Variants in FGF18 observed in about 807,000 individuals in gnomAD.
FGF18 encodes fibroblast growth factor 18.
A neutral mutation model predicts 23.0 loss-of-function variants in FGF18; 5 were observed. The ratio of observed to expected loss-of-function variants is 0.22; its 90% CI spans 0.11 to 0.46. The LOEUF (loss-of-function observed/expected upper bound fraction) is 0.46. FGF18 is among the 20% of genes least tolerant of loss of function. The probability of loss-of-function intolerance (pLI) is 0.99; values close to 1 mark genes in which losing one functional copy is unlikely to be tolerated. For synonymous variants in FGF18, 117 were observed against 118.9 expected (o/e 0.98, Z 0.10); for missense variants, 180 against 291.6 (o/e 0.62, Z 2.79).
chr5:171,439,634 C>T (rs922396121), intron 3 of FGF18, among the ~76,000 whole-genome samples: 10 of 152,110 alleles, frequency 6.6e-5, no homozygotes, highest in African/African-American at 2.4e-4. Context: ...CATGTCTGGG[C>T]TTAGCTTCTT....
At chr5:171,437,089 C>T (rs1772258172) in intron 3 of FGF18, among the ~76,000 whole-genome samples, 2 of 152,218 alleles carry the variant, frequency 1.3e-5, no homozygotes, top group African/African-American at 4.8e-5. Flanking sequence ...CACCTGCCCC[C>T]ACCCATTCCT....
chr5:171,423,459 G>A (rs1468596301), intron 2 of FGF18, among the ~76,000 whole-genome samples: 2 of 152,192 alleles, frequency 1.3e-5, no homozygotes, highest in Admixed American at 1.3e-4. Context: ...GCTCGGCTAG[G>A]TCCTGGCCTT....
Position 171,451,585 on chromosome 5 carries a change from C to T in FGF18, c.357+2332C>T, listed in dbSNP as rs1437596643. On this transcript the variant is annotated intron_variant, in intron 4 of 4. Transcript: ENST00000274625. The surrounding 1 kb of genome is among the most constrained non-coding windows in gnomAD (Gnocchi z 4.5). ...CTCCAGGCCTTTCCCCGCTGCCCAC[C>T]TTCGGCTTTCTACAGCACATACGGC... Among the ~76,000 whole-genome samples the T allele has an allele frequency of 2.0e-5, 3 of 152,246 alleles. No homozygotes were observed. Among genetic ancestry groups the T allele is most frequent in the African/African-American group, 7.2e-5 (3 of 41,468 alleles).
chr5:171,428,927 C>A (rs1017952681), intron 2 of FGF18, among the ~76,000 whole-genome samples: 2 of 152,204 alleles, frequency 1.3e-5, no homozygotes, highest in Admixed American at 6.5e-5. Context: ...GGAGGCCGAC[C>A]CTCGGGCCCA....
chr5:171,443,501 A>ATTTTTTTTTTTTTTTTTTTT (rs59576538), intron 3 of FGF18, among the ~76,000 whole-genome samples: 1 of 63,742 alleles, frequency 1.6e-5, no homozygotes, highest in Non-Finnish European at 2.7e-5. Context: ...TGTTATCATC[A>ATTTTTTTTTTTTTTTTTTTT]TTTTTTTTTT....
At chr5:171,454,968 G>C (rs1392115214) in intron 4 of FGF18, among the ~76,000 whole-genome samples, 1 of 152,210 alleles carries the variant, frequency 6.6e-6, no homozygotes, top group South Asian at 2.1e-4. Flanking sequence ...CAGCCCTGTC[G>C]GGAACAGCTG....
chr5:171,454,592 T>C (rs1249912413), intron 4 of FGF18, among the ~76,000 whole-genome samples: 2 of 152,252 alleles, frequency 1.3e-5, no homozygotes, highest in East Asian at 3.8e-4. Flanking sequence ...TTACCCTGCC[T>C]GTCCCTTTCT....
At chr5:171,437,976 G>T (rs1216819647) in intron 3 of FGF18, among the ~76,000 whole-genome samples, 2 of 152,196 alleles carry the variant, frequency 1.3e-5, no homozygotes, top group African/African-American at 4.8e-5. Flanking sequence ...CCCTCTGCCT[G>T]AACTGGGAAC....
intron 3 of FGF18, among the ~76,000 whole-genome samples, chr5:171,437,949 T>G (rs903666064): frequency 6.6e-6 from 1 of 152,104 alleles, no homozygotes; most frequent in South Asian, 2.1e-4. Flanking sequence ...ACCCCAGAAG[T>G]CACTTGCCCT....
At chr5:171,429,182 C>T (rs1465166548) in intron 2 of FGF18, among the ~76,000 whole-genome samples, 1 of 152,212 alleles carries the variant, frequency 6.6e-6, no homozygotes, top group Non-Finnish European at 1.5e-5. Flanking sequence ...CGGCCTTCCT[C>T]CTCCCCTTTC....
chr5:171,437,486 G>A (rs56252138), intron 3 of FGF18, among the ~76,000 whole-genome samples: 2,805 of 152,098 alleles, frequency 0.018, 76 homozygotes, highest in African/African-American at 0.064. Context: ...TACCGCCTCC[G>A]TTCCCCTCCC....
intron 2 of FGF18, among the ~76,000 whole-genome samples, chr5:171,420,703 C>A (rs998174939): frequency 2.6e-5 from 4 of 152,170 alleles, no homozygotes; most frequent in Non-Finnish European, 4.4e-5. Context: ...GGGAGGAGAT[C>A]CCGCAGAGCC....
At chr5:171,449,326 C>G in intron 4 of FGF18, 73 bp downstream of exon 4, 2 of 965,248 alleles carry the variant, frequency 2.1e-6, no homozygotes, top group Non-Finnish European at 3.3e-6. Context: ...AACAATGTGT[C>G]CAGGGCACTG....
chr5:171,433,283 A>G (rs866409472), intron 2 of FGF18, among the ~76,000 whole-genome samples: 11 of 152,102 alleles, frequency 7.2e-5, no homozygotes, highest in Admixed American at 1.3e-4. Flanking sequence ...CAGGGAGAAA[A>G]TCATTAATGG....
chr5:171,436,302 G>C lies in FGF18; in HGVS notation c.250+29G>C. On this transcript the variant is annotated intron_variant, in intron 3 of 4. Transcript: ENST00000274625. The surrounding 1 kb of genome is among the most constrained non-coding windows in gnomAD (Gnocchi z 4.4). ...TGTGCCAACCCTCTCCTCCTACTCC[G>C]TGTACCCGTGTACATGTCCTTCCTG... 1 of 1,452,320 alleles carries C rather than the reference G, an allele frequency of 6.9e-7. No homozygotes were observed. The allele number at this position is 1,452,320 out of a possible 1,614,324, so 90.0% of individuals were successfully genotyped here.
chr5:171,443,350 C>T (rs746269826), intron 3 of FGF18, among the ~76,000 whole-genome samples: 7 of 152,046 alleles, frequency 4.6e-5, no homozygotes, highest in African/African-American at 1.2e-4. Flanking sequence ...AGGCTGCTCT[C>T]GAACTCCTGA....
chr5:171,430,720 G>A (rs1048290648), intron 2 of FGF18, among the ~76,000 whole-genome samples: 1 of 142,974 alleles, frequency 7.0e-6, no homozygotes, highest in Non-Finnish European at 1.5e-5. Context: ...CCCGGGAAGC[G>A]GAGCTTGCAG....
intron 3 of FGF18, among the ~76,000 whole-genome samples, chr5:171,445,469 C>CT (rs1262776864): frequency 6.6e-6 from 1 of 152,102 alleles, no homozygotes; most frequent in Non-Finnish European, 1.5e-5. Context: ...AGTGATTCTC[C>CT]TGCCTCAGCC....
Position 171,436,014 on chromosome 5 carries a change from G to C in FGF18, c.70-79G>C. 1 of 1,225,184 alleles carries C rather than the reference G, an allele frequency of 8.2e-7. No individual in the cohort carries two copies. Among genetic ancestry groups the C allele is most frequent in the Non-Finnish European group, 1.1e-6 (1 of 923,730 alleles). The allele number at this position is 1,225,184 out of a possible 1,614,324, so 75.9% of individuals were successfully genotyped here. ...CGGTGTAGAGAAGCCCTTGGTCTTT[G>C]TGGTGGACGTGGCTGGCTCCTGCAT... On this transcript the variant is annotated intron_variant, in intron 2 of 4. Coordinates refer to ENST00000274625, the MANE Select transcript of FGF18 (RefSeq NM_003862.3). The surrounding 1 kb of genome is among the most constrained non-coding windows in gnomAD (Gnocchi z 4.4).
Sources: gnomAD v4.1 joint callset for allele counts (sites outside exome capture counted in the v4.1 genomes callset) on GRCh38, gnomAD v4.1.1 for gene constraint, Gnocchi (gnomAD v3.1) non-coding constraint, MANE v1.5 for transcripts, NCBI Gene and HGNC (gene_info 2026-07-23, HGNC 2026-07-21) for gene names.